The following DNAJB6 variants were observed in gnomAD, a reference collection of about 807,000 sequenced individuals.
DNAJB6 encodes the protein dnaJ homolog subfamily B member 6.
Under a neutral mutation model 42.7 loss-of-function variants are expected in DNAJB6, and 16 were observed. That is an observed-to-expected ratio of 0.37 (90% CI 0.25 to 0.57). The LOEUF is 0.57. Among genes scored for constraint, DNAJB6 ranks in the 20% least tolerant of loss-of-function variants. The pLI, the probability that DNAJB6 is intolerant of heterozygous loss-of-function variation, is 0.74. For synonymous variants in DNAJB6, 170 were observed against 163.5 expected (o/e 1.04, Z -0.30); for missense variants, 347 against 416.8 (o/e 0.83, Z 1.46).
intron 1 of DNAJB6, among the ~76,000 whole-genome samples, chr7:157,347,135 A>G: frequency 6.6e-6 from 1 of 152,106 alleles, no homozygotes; most frequent in Non-Finnish European, 1.5e-5. Flanking sequence ...GATTACAGGC[A>G]TGAGCCACCG....
At chr7:157,390,986 C>T (rs967407618) in intron 8 of DNAJB6, among the ~76,000 whole-genome samples, 3 of 152,198 alleles carry the variant, frequency 2.0e-5, no homozygotes, top group Non-Finnish European at 4.4e-5. Flanking sequence ...AGGTGTGCGA[C>T]ACAACGCCTG....
chr7:157,410,052 G>T lies in DNAJB6; in HGVS notation c.898+51G>T, dbSNP rs780927830. On this transcript the variant is annotated intron_variant, in intron 9 of 9. Coordinates refer to ENST00000262177, the MANE Select transcript of DNAJB6 (RefSeq NM_058246.4). ...GCAGGCGCAGAGTGAGACTTCTCTG[G>T]GTGCCAGAGGACAGCGAGGACACAA... 30 of 1,481,802 alleles carry T rather than the reference G, an allele frequency of 2.0e-5. No homozygotes were observed. Among genetic ancestry groups the T allele is most frequent in the Non-Finnish European group, 2.6e-5 (29 of 1,115,214 alleles). 91.8% of individuals were successfully genotyped at this position (1,481,802 alleles called of 1,614,324 possible).
At chr7:157,387,062 G>A (rs1026110158) in intron 8 of DNAJB6, among the ~76,000 whole-genome samples, 2 of 152,306 alleles carry the variant, frequency 1.3e-5, no homozygotes, top group East Asian at 3.9e-4. Flanking sequence ...AAGGACAGGC[G>A]GTTCCCTGAC....
intron 8 of DNAJB6, among the ~76,000 whole-genome samples, chr7:157,407,970 G>A (rs58669683): frequency 6.6e-6 from 1 of 152,112 alleles, no homozygotes; most frequent in African/African-American, 2.4e-5. Context: ...TGTGCATGGC[G>A]CCCGCGGGCA....
At chr7:157,339,565 C>T (rs1320964636) in intron 1 of DNAJB6, among the ~76,000 whole-genome samples, 2 of 151,298 alleles carry the variant, frequency 1.3e-5, no homozygotes, top group Non-Finnish European at 2.9e-5. Flanking sequence ...TCCCAAAGTG[C>T]TGGGATTACA....
chr7:157,350,625 A>G (rs1265726917), intron 1 of DNAJB6, among the ~76,000 whole-genome samples: 1 of 152,190 alleles, frequency 6.6e-6, no homozygotes, highest in Non-Finnish European at 1.5e-5. Flanking sequence ...AGGTCCTTTA[A>G]TAAGAATTTG....
intron 1 of DNAJB6, among the ~76,000 whole-genome samples, chr7:157,341,021 C>G (rs551386397): frequency 7.1e-6 from 1 of 141,672 alleles, no homozygotes; most frequent in Non-Finnish European, 1.6e-5. Context: ...TGGAATCACC[C>G]TGTGTGCCCA....
At chr7:157,338,585 C>T (rs768182879) in intron 1 of DNAJB6, among the ~76,000 whole-genome samples, 1 of 152,206 alleles carries the variant, frequency 6.6e-6, no homozygotes, top group Non-Finnish European at 1.5e-5. Flanking sequence ...TCGCCTGCCT[C>T]GGCCTCCCAA....
At chr7:157,346,375 A>C (rs1330229225) in intron 1 of DNAJB6, among the ~76,000 whole-genome samples, 1 of 150,838 alleles carries the variant, frequency 6.6e-6, no homozygotes, top group African/African-American at 2.4e-5. Flanking sequence ...GACTAGGGAA[A>C]TCGTCCAAGT....
Position 157,416,901 on chromosome 7 carries a change from C to G in DNAJB6, c.*803C>G, listed in dbSNP as rs1454586013. ...GCACAAGGAGGTTGAACTCATGTTT[C>G]AGTTCGCGAACATTGACTCCTTACG... On this transcript the variant is annotated 3_prime_UTR_variant, in exon 10 of 10. Coordinates refer to ENST00000262177, the MANE Select transcript of DNAJB6 (RefSeq NM_058246.4). 1.3e-5 allele frequency: 2 copies of G among 152,222 alleles called. No homozygotes were observed. Among genetic ancestry groups the G allele is most frequent in the Non-Finnish European group, 2.9e-5 (2 of 68,054 alleles). 9.4% of individuals were successfully genotyped at this position (152,222 alleles called of 1,614,324 possible). A position where few individuals can be genotyped will look rare whatever the true frequency, so the allele number is the denominator to read the frequency against.
At chr7:157,369,516 T>G (rs909355307) in intron 5 of DNAJB6, 3 of 419,062 alleles carry the variant, frequency 7.2e-6, no homozygotes, top group Admixed American at 2.8e-5. Flanking sequence ...ACCGGGCGTC[T>G]TCAACAGGCC....
chr7:157,357,212 GTCCTTCCTTCCTTCCT>G lies in DNAJB6; in HGVS notation c.-26-1299_-26-1284del, dbSNP rs112834824. ...GTCTTTGTGGCTTTGTGATACTGTTGTCCTTCCTTCCTTCCTTCCTTCCTTCCTTCCTTCCTTCCTT... is the reference window on the plus strand; with the variant it reads ...GTCTTTGTGGCTTTGTGATACTGTTGTCCTTCCTTCCTTCCTTCCTTCCTT... On this transcript the variant is annotated intron_variant, in intron 1 of 9. Transcript: ENST00000262177. Among the ~76,000 whole-genome samples the G allele has an allele frequency of 6.4e-3, 395 of 61,836 alleles. 57 individuals are homozygous for G. The highest frequency in any genetic ancestry group is 0.015 in the East Asian group (21 of 1,396). The allele number at this position is 61,836 out of a possible 152,430, so 40.6% of individuals were successfully genotyped here.
intron 1 of DNAJB6, among the ~76,000 whole-genome samples, chr7:157,353,060 C>T (rs968273267): frequency 2.0e-5 from 3 of 151,930 alleles, no homozygotes; most frequent in African/African-American, 7.3e-5. Context: ...TCGTTAAGGT[C>T]AGGAATTGCC....
chr7:157,385,323 G>A (rs905662399), intron 7 of DNAJB6, among the ~76,000 whole-genome samples: 2 of 152,172 alleles, frequency 1.3e-5, no homozygotes, highest in Non-Finnish European at 1.5e-5. Flanking sequence ...TTTAGCATCC[G>A]CCTGTACGGT....
chr7:157,405,838 C>CA, intron 8 of DNAJB6, among the ~76,000 whole-genome samples: 1 of 152,346 alleles, frequency 6.6e-6, no homozygotes, highest in Admixed American at 6.5e-5. Context: ...CCGGTCTGTC[C>CA]ATCCTGCCTG....
intron 1 of DNAJB6, among the ~76,000 whole-genome samples, chr7:157,341,898 A>G (rs1798408282): frequency 6.6e-6 from 1 of 152,180 alleles, no homozygotes; most frequent in East Asian, 1.9e-4. Context: ...TTAGAGTCTC[A>G]CACTGTCACC....
chr7:157,350,580 G>A (rs1170716797), intron 1 of DNAJB6, among the ~76,000 whole-genome samples: 3 of 152,170 alleles, frequency 2.0e-5, no homozygotes, highest in Non-Finnish European at 4.4e-5. Flanking sequence ...AAGTGTGGAT[G>A]CCTTATGAGT....
chr7:157,406,667 C>G (rs562634488), intron 8 of DNAJB6, among the ~76,000 whole-genome samples: 107 of 152,312 alleles, frequency 7.0e-4, no homozygotes, highest in African/African-American at 2.4e-3. Context: ...CCCAGTCACT[C>G]CAGGGCTTCT....
At chr7:157,385,337 TGAG>T (rs1800999462) in intron 7 of DNAJB6, among the ~76,000 whole-genome samples, 1 of 152,246 alleles carries the variant, frequency 6.6e-6, no homozygotes, top group Admixed American at 6.5e-5. Context: ...GTACGGTATT[TGAG>T]ACACAATTTA....
Sources: gnomAD v4.1 joint callset for allele counts (sites outside exome capture counted in the v4.1 genomes callset) on GRCh38, gnomAD v4.1.1 for gene constraint, MANE v1.5 for transcripts, NCBI Gene and HGNC (gene_info 2026-07-23, HGNC 2026-07-21) for gene names.